Variants in SEPTIN3 observed in about 807,000 individuals in gnomAD.
SEPTIN3 encodes the protein neuronal-specific septin-3.
SEPTIN3 carries 15 observed loss-of-function variants against 45.1 expected under a neutral mutation model. That is an observed-to-expected ratio of 0.33 (90% confidence interval 0.22 to 0.51). SEPTIN3 has a LOEUF of 0.51. Among genes scored for constraint, SEPTIN3 ranks in the 20% least tolerant of loss-of-function variants. The pLI, the probability that SEPTIN3 is intolerant of heterozygous loss-of-function variation, is 0.97. For missense variants in SEPTIN3, 289 were observed against 457.2 expected (o/e 0.63, Z 3.35); for synonymous variants, 148 against 164.8 (o/e 0.90, Z 0.78).
chr22:41,977,656 G>A (rs2078051644), intron 2 of SEPTIN3, among the ~76,000 whole-genome samples: 1 of 150,982 alleles, frequency 6.6e-6, no homozygotes, highest in Non-Finnish European at 1.5e-5. Context: ...GTGGGGTCCT[G>A]AAGGCTGCGG....
intron 3 of SEPTIN3, among the ~76,000 whole-genome samples, chr22:41,984,814 CCACTGCA>C (rs2078176362): frequency 1.3e-5 from 2 of 150,006 alleles, no homozygotes; most frequent in Non-Finnish European, 3.0e-5. Flanking sequence ...CAGGCATGAG[CCACTGCA>C]CCTGGCCTGA....
intron 7 of SEPTIN3, among the ~76,000 whole-genome samples, chr22:41,990,745 C>CA (rs71184855): frequency 0.026 from 2,493 of 96,384 alleles, 89 homozygotes; most frequent in African/African-American, 0.073. Flanking sequence ...CACTCTATCT[C>CA]AAAAAAAAAA....
intron 2 of SEPTIN3, among the ~76,000 whole-genome samples, chr22:41,978,906 G>T (rs1404197722): frequency 6.7e-6 from 1 of 149,830 alleles, no homozygotes; most frequent in African/African-American, 2.4e-5. Context: ...AGGAGGAGGA[G>T]GAGGAGGAGG....
At chr22:41,982,893 A>G (rs1381216836) in intron 3 of SEPTIN3, among the ~76,000 whole-genome samples, 1 of 150,880 alleles carries the variant, frequency 6.6e-6, no homozygotes, top group Non-Finnish European at 1.5e-5. Context: ...CTCCATCTCA[A>G]AAAAAAAAGA....
chr22:41,970,258 G>A (rs1273127051), intron 1 of SEPTIN3, among the ~76,000 whole-genome samples: 2 of 152,082 alleles, frequency 1.3e-5, no homozygotes, highest in Non-Finnish European at 2.9e-5. Flanking sequence ...GGAGTCCAGA[G>A]TAGCAGGGAG....
chr22:41,993,058 G>T (rs774722923), intron 9 of SEPTIN3, among the ~76,000 whole-genome samples: 1 of 152,218 alleles, frequency 6.6e-6, no homozygotes, highest in Non-Finnish European at 1.5e-5. Context: ...TAGGAAGGGG[G>T]ATGTGATCTG....
Position 41,977,639 on chromosome 22 carries a change from G to T in SEPTIN3, c.1505-4006G>T, listed in dbSNP as rs184393683. On this transcript the variant is annotated intron_variant, in intron 2 of 11. Coordinates refer to ENST00000644076, the MANE Select transcript of SEPTIN3 (RefSeq NM_001363845.2). ...GGGGTGGGCTGGAATTGCCTTTGTG[G>T]GGGGCGGTGGGGTCCTGAAGGCTGC... Among the ~76,000 whole-genome samples the T allele has an allele frequency of 2.5e-3, 377 of 152,032 alleles. 1 individual carries two copies. Among genetic ancestry groups the T allele is most frequent in the African/African-American group, 8.6e-3 (355 of 41,442 alleles).
At chr22:41,995,970 GACC>G (rs2078427855) in intron 11 of SEPTIN3, 1 of 984,966 alleles carries the variant, frequency 1.0e-6, no homozygotes, top group Admixed American at 6.2e-5. Flanking sequence ...ACAAATTTTT[GACC>G]ACACCTCCGT....
At chr22:41,986,170 G>T (rs1468724069) in intron 4 of SEPTIN3, 58 bp downstream of exon 4, 1 of 1,593,400 alleles carries the variant, frequency 6.3e-7, no homozygotes, top group African/African-American at 1.3e-5. Flanking sequence ...CTGCTGGAAA[G>T]GGGAAAGAAT....
chr22:41,986,899 T>C (rs2078218360), intron 4 of SEPTIN3, among the ~76,000 whole-genome samples: 1 of 151,976 alleles, frequency 6.6e-6, no homozygotes, highest in East Asian at 1.9e-4. Context: ...TCACTTGAGC[T>C]GGGGAGTTCG....
rs1266600942 is a variant in SEPTIN3, at chr22:41,983,675, T to C, written c.1696+1839T>C. Among the ~76,000 whole-genome samples the C allele has an allele frequency of 4.6e-5, 7 of 152,202 alleles. No homozygotes were observed. The South Asian group carries it at 1.4e-3, about 32-fold the overall frequency. On this transcript the variant is annotated intron_variant, in intron 3 of 11. Coordinates refer to ENST00000644076, the MANE Select transcript of SEPTIN3 (RefSeq NM_001363845.2). ...ATCTGCTGTTCCCTCTGGCTAGAACTCATGACTCTTTTGAAATCAACCTTC... is the reference window on the plus strand; with the variant it reads ...ATCTGCTGTTCCCTCTGGCTAGAACCCATGACTCTTTTGAAATCAACCTTC...
At chr22:41,992,070 C>A (rs1051481040) in intron 8 of SEPTIN3, among the ~76,000 whole-genome samples, 2 of 151,998 alleles carry the variant, frequency 1.3e-5, no homozygotes, top group Non-Finnish European at 2.9e-5. Flanking sequence ...AGGCTTCCCC[C>A]GCTAGAATAA....
rs757597771 is a variant in SEPTIN3, at chr22:41,981,739, C to T, written c.1599C>T (p.Asn533=). The T allele has an allele frequency of 1.2e-5, 20 of 1,613,982 alleles. 1 individual carries two copies. In the Admixed American group the frequency reaches 2.7e-4, roughly 22 times the overall value. The change falls in exon 3 of 12, where the codon AAC becomes AAT. Residue 533 remains asparagine (N), a synonymous_variant. Coordinates refer to ENST00000644076, the MANE Select transcript of SEPTIN3 (RefSeq NM_001363845.2). ...PAVPMKPMSI[N]SNLLGYIGID... is the part of the protein sequence containing the mutation. ...TGCCCATGAAGCCCATGAGCATCAACTCCAACCTGCTGGGCTACATCGGCA... is the reference window on the plus strand; with the variant it reads ...TGCCCATGAAGCCCATGAGCATCAATTCCAACCTGCTGGGCTACATCGGCA...
chr22:41,995,828 C>A, intron 11 of SEPTIN3: 1 of 882,442 alleles, frequency 1.1e-6, no homozygotes, highest in Non-Finnish European at 1.4e-6. Flanking sequence ...TCCCAGTGTC[C>A]AGTTAAAGGA....
At chr22:41,983,933 T>C (rs2078161202) in intron 3 of SEPTIN3, among the ~76,000 whole-genome samples, 1 of 152,192 alleles carries the variant, frequency 6.6e-6, no homozygotes, top group Admixed American at 6.5e-5. Flanking sequence ...AGGACAACAC[T>C]TGGCACCTAA....
rs2078017174 is a variant in SEPTIN3, at chr22:41,976,061, G to A, written c.1504+3065G>A. On this transcript the variant is annotated intron_variant, in intron 2 of 11. Coordinates refer to ENST00000644076, the MANE Select transcript of SEPTIN3 (RefSeq NM_001363845.2). This position sits in a 1 kb window ranked among gnomAD's most constrained non-coding sequence, Gnocchi z 5.8. ...CAGCACCACGCAGCTCTCACCTCTG[G>A]AGACCCTCACCTCTGCTGTCCTCTC... Among the ~76,000 whole-genome samples the A allele has an allele frequency of 6.6e-6, 1 of 152,070 alleles. No individual in the cohort carries two copies. Among genetic ancestry groups the A allele is most frequent in the African/African-American group, 2.4e-5 (1 of 41,382 alleles).
Position 41,997,347 on chromosome 22 carries a change from C to T in SEPTIN3, c.*380C>T, listed in dbSNP as rs75386772. 1 of 204,716 alleles carries T rather than the reference C, an allele frequency of 4.9e-6. No individual in the cohort carries two copies. Among genetic ancestry groups the T allele is most frequent in the Non-Finnish European group, 9.8e-6 (1 of 101,620 alleles). The allele number at this position is 204,716 out of a possible 1,614,324, so 12.7% of individuals were successfully genotyped here. A position where few individuals can be genotyped will look rare whatever the true frequency, so the allele number is the denominator to read the frequency against. On this transcript the variant is annotated 3_prime_UTR_variant, in exon 12 of 12. Coordinates refer to ENST00000644076, the MANE Select transcript of SEPTIN3 (RefSeq NM_001363845.2). ...ATTCATCTGCATGAGCTACTCTTGG[C>T]TTCCTTAAAGGGTCAAGAAAGCAAT...
intron 2 of SEPTIN3, among the ~76,000 whole-genome samples, chr22:41,974,231 C>T (rs552640599): frequency 1.3e-5 from 2 of 152,042 alleles, no homozygotes; most frequent in East Asian, 1.9e-4. Flanking sequence ...CAGCATCTCC[C>T]GGGATTGTTT....
chr22:41,997,209 G>A lies in SEPTIN3; in HGVS notation c.*242G>A, dbSNP rs990693197. The A allele has an allele frequency of 2.4e-5, 16 of 653,368 alleles. No homozygotes were observed. The highest frequency in any genetic ancestry group is 4.3e-4 in the Middle Eastern group (1 of 2,328). The allele number at this position is 653,368 out of a possible 1,614,324, so 40.5% of individuals were successfully genotyped here. A position where few individuals can be genotyped will look rare whatever the true frequency, so the allele number is the denominator to read the frequency against. ...CCCTACTGCATCATCTGCGTCAGCC[G>A]GTCCTAGCCCATCTGCAGGGTGAAA... On this transcript the variant is annotated 3_prime_UTR_variant, in exon 12 of 12. Coordinates refer to ENST00000644076, the MANE Select transcript of SEPTIN3 (RefSeq NM_001363845.2).
Sources: gnomAD v4.1 joint callset for allele counts (sites outside exome capture counted in the v4.1 genomes callset) on GRCh38, gnomAD v4.1.1 for gene constraint, Gnocchi (gnomAD v3.1) non-coding constraint, MANE v1.5 for transcripts, NCBI Gene and HGNC (gene_info 2026-07-23, HGNC 2026-07-21) for gene names.